The following RAD51B variants were observed in gnomAD, a reference collection of about 807,000 sequenced individuals.
The protein encoded by RAD51B is RAD51 paralog B.
Under a neutral mutation model 42.2 loss-of-function variants are expected in RAD51B, and 38 were observed. The ratio of observed to expected loss-of-function variants is 0.90; its 90% CI spans 0.70 to 1.18. RAD51B has a LOEUF of 1.18. Among genes scored for constraint, RAD51B ranks in the 50% most tolerant of loss-of-function variants. The pLI, the probability that RAD51B is intolerant of heterozygous loss-of-function variation, is 0.00. For missense variants in RAD51B, 373 were observed against 400.7 expected (o/e 0.93, Z 0.59); for synonymous variants, 154 against 145.2 (o/e 1.06, Z -0.43).
chr14:68,146,210 G>A (rs936545931), intron 7 of RAD51B, among the ~76,000 whole-genome samples: 7 of 152,284 alleles, frequency 4.6e-5, no homozygotes, highest in Admixed American at 3.9e-4. Context: ...AGCGCTTTGG[G>A]AGGCCTTGGT....
At chr14:67,888,602 A>G (rs2043130316) in intron 7 of RAD51B, among the ~76,000 whole-genome samples, 2 of 152,130 alleles carry the variant, frequency 1.3e-5, no homozygotes, top group Admixed American at 6.5e-5. Flanking sequence ...CTAAAAATAT[A>G]TATATATATT....
At chr14:68,468,523 C>T (rs558379250) in intron 10 of RAD51B, 77 of 456,070 alleles carry the variant, frequency 1.7e-4, no homozygotes, top group African/African-American at 1.3e-3. Context: ...CAAGAAAGCT[C>T]GGAATTGCTA....
chr14:67,893,516 A>AAAAAAAAC (rs1485994919), intron 7 of RAD51B, among the ~76,000 whole-genome samples: 2 of 102,872 alleles, frequency 1.9e-5, no homozygotes, highest in African/African-American at 3.8e-5. Context: ...ACACAAAAAA[A>AAAAAAAAC]AACAATTAGC....
intron 9 of RAD51B, among the ~76,000 whole-genome samples, chr14:68,439,247 T>G (rs970991125): frequency 1.3e-5 from 2 of 151,856 alleles, no homozygotes; most frequent in African/African-American, 4.9e-5. Flanking sequence ...GTGACATTAG[T>G]TCCTCTCCAC....
intron 8 of RAD51B, among the ~76,000 whole-genome samples, chr14:68,366,833 G>A (rs1417796329): frequency 1.3e-5 from 2 of 152,156 alleles, no homozygotes; most frequent in East Asian, 1.9e-4. Flanking sequence ...GGCCTCTTCC[G>A]TGACCTTGTT....
At chr14:68,147,991 T>A (rs756234970) in intron 7 of RAD51B, among the ~76,000 whole-genome samples, 24 of 152,290 alleles carry the variant, frequency 1.6e-4, no homozygotes, top group Non-Finnish European at 2.5e-4. Context: ...TTACCCTTCC[T>A]TACCTTACCC....
intron 10 of RAD51B, among the ~76,000 whole-genome samples, chr14:68,534,875 A>T (rs1033200620): frequency 1.3e-5 from 2 of 152,204 alleles, no homozygotes; most frequent in African/African-American, 4.8e-5. Context: ...TGATTGATTG[A>T]TTAATAGTAG....
At chr14:68,257,930 A>G (rs1792297133) in intron 7 of RAD51B, among the ~76,000 whole-genome samples, 1 of 152,252 alleles carries the variant, frequency 6.6e-6, no homozygotes, top group African/African-American at 2.4e-5. Context: ...GGAGAAAGTA[A>G]GTCAAACTAG....
At chr14:68,270,738 C>CT (rs1020894600) in intron 7 of RAD51B, among the ~76,000 whole-genome samples, 6 of 152,048 alleles carry the variant, frequency 3.9e-5, no homozygotes, top group Non-Finnish European at 1.5e-5. Context: ...CTCTCTGTCT[C>CT]TTTTTTTTCT....
chr14:68,214,292 TAC>T (rs2079769877), intron 7 of RAD51B, among the ~76,000 whole-genome samples: 1 of 152,160 alleles, frequency 6.6e-6, no homozygotes, highest in South Asian at 2.1e-4. Flanking sequence ...ATCAAAATGT[TAC>T]TCTAGCAGGA....
chr14:68,404,397 G>C (rs868099875), intron 8 of RAD51B, among the ~76,000 whole-genome samples: 58 of 152,300 alleles, frequency 3.8e-4, no homozygotes, highest in Middle Eastern at 3.4e-3. Context: ...TTTCTTAAAA[G>C]CCAGTAGGCA....
intron 7 of RAD51B, among the ~76,000 whole-genome samples, chr14:68,024,283 CTT>C (rs2075916356): frequency 1.3e-5 from 2 of 152,154 alleles, no homozygotes; most frequent in Admixed American, 1.3e-4. Flanking sequence ...ATGCTTCCAG[CTT>C]TGTTCTTTTT....
intron 10 of RAD51B, among the ~76,000 whole-genome samples, chr14:68,571,798 GT>G (rs199983733): frequency 0.083 from 2,530 of 30,600 alleles, 73 homozygotes; most frequent in African/African-American, 0.17. Context: ...TTGGATGGCT[GT>G]TTTTTGTTTG....
At chr14:68,403,864 A>T (rs2084188098) in intron 8 of RAD51B, among the ~76,000 whole-genome samples, 1 of 152,200 alleles carries the variant, frequency 6.6e-6, no homozygotes, top group Non-Finnish European at 1.5e-5. Flanking sequence ...TTTGATCATC[A>T]TTGTTCCTGT....
chr14:68,292,548 GGGT>G (rs2081536754), intron 8 of RAD51B, among the ~76,000 whole-genome samples: 1 of 152,210 alleles, frequency 6.6e-6, no homozygotes, highest in African/African-American at 2.4e-5. Flanking sequence ...ATAAACCAGA[GGGT>G]GGTTTCTAGT....
At chr14:68,483,674 A>T (rs1355452740) in intron 10 of RAD51B, among the ~76,000 whole-genome samples, 1 of 152,188 alleles carries the variant, frequency 6.6e-6, no homozygotes, top group Non-Finnish European at 1.5e-5. Flanking sequence ...CTTTTCCAGA[A>T]AGCAGCTCTC....
At chr14:68,005,140 G>A (rs151244529) in intron 7 of RAD51B, among the ~76,000 whole-genome samples, 14 of 130,566 alleles carry the variant, frequency 1.1e-4, no homozygotes, top group Admixed American at 9.3e-5. Flanking sequence ...TGCAACCTCC[G>A]CATCCCACGT....
exon 11 of RAD51B, chr14:68,594,491 C>T (rs1406875807): frequency 5.1e-6 from 7 of 1,368,472 alleles, no homozygotes; most frequent in African/African-American, 1.5e-5. Flanking sequence ...TTAGAGACAA[C>T]ATTTTGCTCT....
chr14:68,667,479 A>G (rs956681526), intron 11 of RAD51B, among the ~76,000 whole-genome samples: 29 of 135,116 alleles, frequency 2.1e-4, no homozygotes, highest in African/African-American at 7.8e-4. Context: ...TCACAGAAAC[A>G]TCTAGACAAG....
Sources: gnomAD v4.1 joint callset for allele counts (sites outside exome capture counted in the v4.1 genomes callset) on GRCh38, gnomAD v4.1.1 for gene constraint, MANE v1.5 for transcripts, NCBI Gene and HGNC (gene_info 2026-07-23, HGNC 2026-07-21) for gene names.